STPG2: variants seen among roughly 807,000 people sequenced by gnomAD.
STPG2 encodes sperm tail PG-rich repeat containing 2.
In STPG2, 56 loss-of-function variants were observed where a neutral mutation model predicts 54.2. That is an observed-to-expected ratio of 1.03 (90% CI 0.83 to 1.29). The LOEUF (loss-of-function observed/expected upper bound fraction) is 1.29, where lower values mean the gene tolerates loss of function less well. Among genes scored for constraint, STPG2 ranks in the 50% most tolerant of loss-of-function variants. The pLI, the probability that STPG2 is intolerant of heterozygous loss-of-function variation, is 0.00. For synonymous variants in STPG2, 200 were observed against 181.8 expected, an observed-to-expected ratio of 1.10 and a Z score of -0.81; for missense variants, 596 against 544.9, an observed-to-expected ratio of 1.09 and a Z score of -0.93.
intron 10 of STPG2, among the ~76,000 whole-genome samples, chr4:97,701,038 C>T (rs1201759780): frequency 1.3e-5 from 2 of 152,178 alleles, no homozygotes; most frequent in African/African-American, 4.8e-5. Context: ...ATCACCACCC[C>T]TGCATCTTTC....
intron 8 of STPG2, among the ~76,000 whole-genome samples, chr4:97,846,175 G>A (rs1275647883): frequency 6.6e-6 from 1 of 151,998 alleles, no homozygotes; most frequent in Non-Finnish European, 1.5e-5. Flanking sequence ...AGGAGACAAA[G>A]TCACACTAGA....
At chr4:97,849,726 A>G (rs1319108208) in intron 8 of STPG2, among the ~76,000 whole-genome samples, 1 of 151,708 alleles carries the variant, frequency 6.6e-6, no homozygotes, top group Non-Finnish European at 1.5e-5. Flanking sequence ...ATGAGATACC[A>G]TCTCACACCA....
At chr4:98,080,662 T>C (rs993975084) in intron 5 of STPG2, among the ~76,000 whole-genome samples, 5 of 152,144 alleles carry the variant, frequency 3.3e-5, no homozygotes, top group African/African-American at 9.7e-5. Context: ...AAAAAATAAG[T>C]TGATGTCTTC....
chr4:98,083,977 C>T (rs766732838), intron 5 of STPG2, among the ~76,000 whole-genome samples: 2 of 152,078 alleles, frequency 1.3e-5, no homozygotes, highest in Non-Finnish European at 2.9e-5. Flanking sequence ...TCTCAGTCTC[C>T]CAAGCAGCTG....
rs150657097 is a variant in STPG2, at chr4:97,914,231, C to T, written c.1044+29666G>A. Among the ~76,000 whole-genome samples, 768 of 152,074 alleles carry T rather than the reference C, an allele frequency of 5.1e-3. 7 individuals carry two copies. The highest frequency in any genetic ancestry group is 7.5e-3 in the Non-Finnish European group (511 of 67,968). ...TAAACTGATTGCTCATCATATATTC[C>T]AAGAAATTTCTTTTAAGGTAAACAC... On this transcript the variant is annotated intron_variant, in intron 8 of 10. Transcript: ENST00000295268.
intron 4 of STPG2, among the ~76,000 whole-genome samples, chr4:97,521,783 A>G (rs1237430593): frequency 5.9e-5 from 9 of 151,940 alleles, no homozygotes; most frequent in Admixed American, 2.0e-4. Context: ...CCATGTCCCA[A>G]CTTAATTATC....
At chr4:97,642,057 T>G (rs1721782074) in intron 10 of STPG2, among the ~76,000 whole-genome samples, 1 of 151,522 alleles carries the variant, frequency 6.6e-6, no homozygotes, top group Non-Finnish European at 1.5e-5. Context: ...CTCCAAATTA[T>G]TGTATTGGCA....
At chr4:97,579,463 G>A (rs934932678) in intron 10 of STPG2, among the ~76,000 whole-genome samples, 2 of 151,836 alleles carry the variant, frequency 1.3e-5, no homozygotes, top group Admixed American at 6.6e-5. Flanking sequence ...TATCTTGTTT[G>A]AAAAATTTTC....
chr4:97,626,365 C>T (rs909694655), intron 10 of STPG2, among the ~76,000 whole-genome samples: 3 of 152,150 alleles, frequency 2.0e-5, no homozygotes, highest in Admixed American at 1.3e-4. Context: ...TAAACACCTA[C>T]TTATTCTTCA....
intron 4 of STPG2, among the ~76,000 whole-genome samples, chr4:97,492,276 T>C (rs1302784115): frequency 2.0e-5 from 3 of 151,476 alleles, no homozygotes; most frequent in African/African-American, 7.3e-5. Flanking sequence ...TTGAGATATA[T>C]GCAAATCTTT....
intron 8 of STPG2, among the ~76,000 whole-genome samples, chr4:97,942,809 T>C (rs1464490683): frequency 1.3e-5 from 2 of 152,212 alleles, no homozygotes; most frequent in African/African-American, 2.4e-5. Flanking sequence ...TCTGTTTTCA[T>C]TGATTAGCTA....
At chr4:97,879,069 T>C (rs1172426573) in intron 8 of STPG2, among the ~76,000 whole-genome samples, 2 of 152,198 alleles carry the variant, frequency 1.3e-5, no homozygotes, top group African/African-American at 2.4e-5. Flanking sequence ...AAGAGTCACC[T>C]TTACTCCAGT....
At chr4:97,752,751 C>T (rs1410861329) in intron 9 of STPG2, among the ~76,000 whole-genome samples, 4 of 151,832 alleles carry the variant, frequency 2.6e-5, no homozygotes, top group South Asian at 2.1e-4. Flanking sequence ...TTGTTTCCCT[C>T]GCCAAGATTT....
chr4:97,447,656 G>A (rs1320952795), intron 4 of STPG2, among the ~76,000 whole-genome samples: 1 of 152,214 alleles, frequency 6.6e-6, no homozygotes, highest in Non-Finnish European at 1.5e-5. Context: ...TGTTGGGCCT[G>A]AGGGTGCATA....
intron 9 of STPG2, among the ~76,000 whole-genome samples, chr4:97,788,238 A>G (rs1197142455): frequency 1.3e-5 from 2 of 152,082 alleles, no homozygotes; most frequent in East Asian, 3.9e-4. Flanking sequence ...TACCCTTCCC[A>G]GCCTCTGGTA....
intron 8 of STPG2, among the ~76,000 whole-genome samples, chr4:97,910,589 T>C (rs1731640523): frequency 6.6e-6 from 1 of 152,108 alleles, no homozygotes; most frequent in Admixed American, 6.6e-5. Context: ...ACCCAAATAA[T>C]CTGACTTTCT....
At chr4:97,810,883 C>A (rs1371034080) in intron 9 of STPG2, among the ~76,000 whole-genome samples, 1 of 152,102 alleles carries the variant, frequency 6.6e-6, no homozygotes, top group Non-Finnish European at 1.5e-5. Context: ...TAAAGCATTA[C>A]AAATCACCAA....
intron 8 of STPG2, among the ~76,000 whole-genome samples, chr4:97,923,151 C>T (rs949115535): frequency 6.6e-6 from 1 of 152,398 alleles, no homozygotes; most frequent in Non-Finnish European, 1.5e-5. Flanking sequence ...CCCACTCTGG[C>T]CATGCTTGAG....
intron 5 of STPG2, among the ~76,000 whole-genome samples, chr4:98,032,461 G>A (rs1736627520): frequency 6.6e-6 from 1 of 151,566 alleles, no homozygotes; most frequent in South Asian, 2.1e-4. Context: ...AAGTCATAAT[G>A]GAAGACACAG....
Sources: allele counts gnomAD v4.1 joint callset (sites outside exome capture counted in the v4.1 genomes callset), GRCh38; gene constraint gnomAD v4.1.1; transcripts MANE v1.5; gene names NCBI Gene and HGNC (gene_info 2026-07-23, HGNC 2026-07-21).